Variants in ADCY5 observed in about 807,000 individuals in gnomAD.
ADCY5 encodes adenylate cyclase 5.
In ADCY5, 30 loss-of-function variants were observed where a neutral mutation model predicts 119.7. The observed-to-expected ratio is 0.25, with a 90% CI of 0.19 to 0.34. The LOEUF is 0.34. Ranked by LOEUF, ADCY5 falls within the 10% of genes least tolerant of loss-of-function variation. The probability of loss-of-function intolerance (pLI) is 1.00; values close to 1 mark genes in which losing one functional copy is unlikely to be tolerated. For synonymous variants in ADCY5, 753 were observed against 762.2 expected (o/e 0.99, Z 0.20); for missense variants, 1,324 against 1,775.2 (o/e 0.75, Z 4.57).
chr3:123,435,087 C>T (rs986052372), intron 1 of ADCY5, among the ~76,000 whole-genome samples: 27 of 152,140 alleles, frequency 1.8e-4, no homozygotes, highest in African/African-American at 6.5e-4. Flanking sequence ...GAGTTCAAGA[C>T]CAGCCTGGGC....
intron 1 of ADCY5, among the ~76,000 whole-genome samples, chr3:123,446,727 C>T (rs1012197265): frequency 2.6e-5 from 4 of 152,148 alleles, no homozygotes; most frequent in African/African-American, 9.7e-5. Context: ...TTGAAGGGGT[C>T]ATGATGTTCA....
intron 3 of ADCY5, among the ~76,000 whole-genome samples, chr3:123,345,469 C>G (rs976306702): frequency 5.9e-5 from 9 of 152,168 alleles, no homozygotes; most frequent in Non-Finnish European, 1.3e-4. Flanking sequence ...TTTGTCCATG[C>G]GGTGCCAGGG....
At position 123,367,583 on chromosome 3, in the gene ADCY5, A is replaced by C. The variant is rs932496943; in HGVS notation, c.1135-15002T>G. Among the ~76,000 whole-genome samples, 4 of 152,052 alleles carry C rather than the reference A, an allele frequency of 2.6e-5. No homozygotes were observed. The East Asian group carries it at 5.8e-4, about 22-fold the overall frequency. On this transcript the variant is annotated intron_variant, in intron 1 of 20. Transcript: ENST00000462833. ...CTCCCGGAATATCAGGCAAACCTTC[A>C]TTGTTTCCTGTGAGTAGTGGTGACA...
chr3:123,432,288 C>A (rs975350400), intron 1 of ADCY5, among the ~76,000 whole-genome samples: 7 of 152,152 alleles, frequency 4.6e-5, no homozygotes, highest in African/African-American at 1.4e-4. Context: ...TTCAATATGC[C>A]CAGGAACTTG....
At chr3:123,354,859 A>T (rs958147305) in intron 1 of ADCY5, among the ~76,000 whole-genome samples, 2 of 152,226 alleles carry the variant, frequency 1.3e-5, no homozygotes, top group African/African-American at 4.8e-5. Context: ...AAACTATATG[A>T]TCATTTCAAC....
chr3:123,369,142 T>C (rs1943551101), intron 1 of ADCY5, among the ~76,000 whole-genome samples: 3 of 151,792 alleles, frequency 2.0e-5, no homozygotes, highest in Admixed American at 1.3e-4. Flanking sequence ...GCCCCCATGA[T>C]GAAACTGGTG....
intron 1 of ADCY5, among the ~76,000 whole-genome samples, chr3:123,396,760 AG>A (rs1944591112): frequency 1.1e-5 from 1 of 95,122 alleles, no homozygotes; most frequent in Non-Finnish European, 2.2e-5. Context: ...GAAGGAAGGA[AG>A]GAAGGAAGGA....
At chr3:123,364,212 G>A (rs2107512298) in intron 1 of ADCY5, among the ~76,000 whole-genome samples, 1 of 152,132 alleles carries the variant, frequency 6.6e-6, no homozygotes, top group East Asian at 1.9e-4. Flanking sequence ...ACTCTAAAAA[G>A]AAATACTGAT....
At chr3:123,435,263 G>A (rs1458784741) in intron 1 of ADCY5, among the ~76,000 whole-genome samples, 1 of 152,212 alleles carries the variant, frequency 6.6e-6, no homozygotes, top group Non-Finnish European at 1.5e-5. Context: ...TCCAGCCTGG[G>A]CAACAGGGCA....
chr3:123,283,531 C>T lies in ADCY5; in HGVS notation c.*1077G>A, dbSNP rs1270466772. The stretch of plus-strand genomic sequence containing the variant: ...ATGGGGCAGTGTGTCCATGCATCCT[C>T]CTACTTAATCTGAGCATATGGTACC... On this transcript the variant is annotated 3_prime_UTR_variant, in exon 21 of 21. Coordinates refer to ENST00000462833, the MANE Select transcript of ADCY5 (RefSeq NM_183357.3). The T allele has an allele frequency of 6.6e-6, 1 of 152,160 alleles. No individual in the cohort carries two copies. Among genetic ancestry groups the T allele is most frequent in the African/African-American group, 2.4e-5 (1 of 41,414 alleles). The allele number at this position is 152,160 out of a possible 1,614,324, so 9.4% of individuals were successfully genotyped here.
At chr3:123,293,023 G>A (rs2108207355) in intron 17 of ADCY5, among the ~76,000 whole-genome samples, 1 of 152,330 alleles carries the variant, frequency 6.6e-6, no homozygotes, top group South Asian at 2.1e-4. Context: ...AGCTGCTACA[G>A]CCACCTCTGC....
At chr3:123,311,726 C>G (rs1940594100) in intron 12 of ADCY5, among the ~76,000 whole-genome samples, 1 of 152,112 alleles carries the variant, frequency 6.6e-6, no homozygotes. Flanking sequence ...CACTAAAATT[C>G]TTTACTGAAG....
intron 12 of ADCY5, among the ~76,000 whole-genome samples, chr3:123,304,542 A>G (rs1940093224): frequency 6.6e-6 from 1 of 152,096 alleles, no homozygotes; most frequent in African/African-American, 2.4e-5. Flanking sequence ...GTGGCAGCTG[A>G]GGAGTCGTGG....
At position 123,284,128 on chromosome 3, in the gene ADCY5, C is replaced by T. The variant is rs1938570487; in HGVS notation, c.*480G>A. ...AAGCCAGCACTCCTGTGCCAAAGCC[C>T]CTGCAGGTGCAGGGTGGTGGCCTGT... On this transcript the variant is annotated 3_prime_UTR_variant, in exon 21 of 21. Coordinates refer to ENST00000462833, the MANE Select transcript of ADCY5 (RefSeq NM_183357.3). The T allele has an allele frequency of 6.4e-6, 1 of 157,458 alleles. No individual in the cohort carries two copies. The highest frequency in any genetic ancestry group is 6.2e-5 in the Admixed American group (1 of 16,208). 9.8% of individuals were successfully genotyped at this position (157,458 alleles called of 1,614,324 possible). A position where few individuals can be genotyped will look rare whatever the true frequency, so the allele number is the denominator to read the frequency against.
At chr3:123,385,310 C>CACACAT (rs1553742302) in intron 1 of ADCY5, among the ~76,000 whole-genome samples, 3 of 151,744 alleles carry the variant, frequency 2.0e-5, no homozygotes, top group Non-Finnish European at 2.9e-5. Context: ...CACACACACA[C>CACACAT]GCACGCACGA....
chr3:123,398,147 C>A (rs1944656171), intron 1 of ADCY5, among the ~76,000 whole-genome samples: 1 of 152,204 alleles, frequency 6.6e-6, no homozygotes, highest in Non-Finnish European at 1.5e-5. Context: ...AACCTGTGCC[C>A]ACTGCCATGG....
At chr3:123,411,013 T>C (rs574098324) in intron 1 of ADCY5, among the ~76,000 whole-genome samples, 14 of 152,292 alleles carry the variant, frequency 9.2e-5, no homozygotes, top group African/African-American at 3.1e-4. Flanking sequence ...GCACTAGCCA[T>C]TCCAGCACCC....
rs1419049091 is a variant in ADCY5, at chr3:123,303,203, CTG to C, written c.2574_2575del (p.Arg859GlyfsTer34). On this transcript the variant is annotated frameshift_variant, in exon 14 of 21. Coordinates refer to ENST00000462833, the MANE Select transcript of ADCY5 (RefSeq NM_183357.3). LOFTEE classifies it high-confidence loss of function. The stretch of plus-strand genomic sequence containing the variant: ...CTGTGCCAAGCAGCCCAGCAGGTCC[CTG>C]GAGTTGCACGTGAACTGGGGGGAGG... The C allele has an allele frequency of 6.2e-7, 1 of 1,613,364 alleles. No homozygotes were observed.
In ADCY5 at chr3:123,448,259, C is replaced by T; in HGVS notation, c.287G>A (p.Ser96Asn). Residue 96 changes from serine (S) to asparagine (N), a missense_variant, in exon 1 of 21, where the codon AGC (serine) becomes AAC (asparagine). This residue lies in a region of ADCY5 where 585 missense variants were observed against 569.9 expected (regional missense o/e 1.03). Transcript: ENST00000462833. Reference protein sequence around the residue: ...DDPLAGGFGFSFRSKSAWQER... With the variant: ...DDPLAGGFGFNFRSKSAWQER... ...CTGCCAGGCGGACTTGGAGCGGAAG[C>T]TGAAGCCGAAGCCCCCGGCCAGGGG... 1 of 1,504,550 alleles carries T rather than the reference C, an allele frequency of 6.6e-7. No individual in the cohort carries two copies. The highest frequency in any genetic ancestry group is 8.8e-7 in the Non-Finnish European group (1 of 1,134,560). The allele number at this position is 1,504,550 out of a possible 1,614,324, so 93.2% of individuals were successfully genotyped here. A position where few individuals can be genotyped will look rare whatever the true frequency, so the allele number is the denominator to read the frequency against.
Sources: allele counts gnomAD v4.1 joint callset (sites outside exome capture counted in the v4.1 genomes callset), GRCh38; gene constraint gnomAD v4.1.1; regional missense constraint gnomAD v4.1.1; transcripts MANE v1.5; gene names NCBI Gene and HGNC (gene_info 2026-07-23, HGNC 2026-07-21).